The following PTPN4 variants were observed in gnomAD, a reference collection of about 807,000 sequenced individuals.
PTPN4 encodes tyrosine-protein phosphatase non-receptor type 4.
In PTPN4, 49 loss-of-function variants were observed where a neutral mutation model predicts 135.5. The ratio of observed to expected loss-of-function variants is 0.36; its 90% CI spans 0.29 to 0.46. The LOEUF is 0.46. Among genes scored for constraint, PTPN4 ranks in the 20% least tolerant of loss-of-function variants. The pLI is 1.00. For synonymous variants in PTPN4, 333 were observed against 369.9 expected, an observed-to-expected ratio of 0.90 and a Z score of 1.14; for missense variants, 860 against 1,101.0, an observed-to-expected ratio of 0.78 and a Z score of 3.10.
intron 1 of PTPN4, among the ~76,000 whole-genome samples, chr2:119,780,522 A>G (rs1233244077): frequency 6.6e-6 from 1 of 152,156 alleles, no homozygotes; most frequent in African/African-American, 2.4e-5. Flanking sequence ...ATCCTTTTAC[A>G]TCTACTCCTC....
intron 1 of PTPN4, among the ~76,000 whole-genome samples, chr2:119,808,808 T>G: frequency 6.6e-6 from 1 of 152,312 alleles, no homozygotes; most frequent in East Asian, 1.9e-4. Context: ...ATTTTTATAT[T>G]TATATAACAA....
At chr2:119,908,420 T>A (rs1678520685) in intron 10 of PTPN4, among the ~76,000 whole-genome samples, 1 of 152,202 alleles carries the variant, frequency 6.6e-6, no homozygotes, top group Non-Finnish European at 1.5e-5. Context: ...TCACAATAAT[T>A]CAAAGTTTTT....
intron 1 of PTPN4, among the ~76,000 whole-genome samples, chr2:119,801,570 A>AT (rs1008363872): frequency 5.9e-5 from 9 of 152,038 alleles, no homozygotes; most frequent in East Asian, 1.9e-4. Flanking sequence ...ATTTTCTTCA[A>AT]TTTTTTTATC....
intron 1 of PTPN4, among the ~76,000 whole-genome samples, chr2:119,772,618 A>C (rs1471998304): frequency 6.6e-6 from 1 of 152,192 alleles, no homozygotes; most frequent in Non-Finnish European, 1.5e-5. Context: ...GCTCACTGCA[A>C]CCTTTGCCTT....
chr2:119,826,592 T>C (rs1677148921), intron 2 of PTPN4, among the ~76,000 whole-genome samples: 1 of 152,196 alleles, frequency 6.6e-6, no homozygotes, highest in Admixed American at 6.5e-5. Flanking sequence ...CTGCTAAACT[T>C]CCTTACAATA....
At chr2:119,935,659 G>A (rs1292052660) in intron 15 of PTPN4, among the ~76,000 whole-genome samples, 1 of 152,198 alleles carries the variant, frequency 6.6e-6, no homozygotes, top group Non-Finnish European at 1.5e-5. Flanking sequence ...AATGATACCT[G>A]TGGGGAATTA....
chr2:119,784,501 C>G (rs1013385830), intron 1 of PTPN4, among the ~76,000 whole-genome samples: 2 of 151,278 alleles, frequency 1.3e-5, no homozygotes, highest in Admixed American at 6.6e-5. Context: ...ATTCTCCTGC[C>G]TCAGCCTCCC....
intron 2 of PTPN4, among the ~76,000 whole-genome samples, chr2:119,837,430 AC>A: frequency 6.6e-6 from 1 of 151,908 alleles, no homozygotes; most frequent in Non-Finnish European, 1.5e-5. Flanking sequence ...TGTCTGGACG[AC>A]CTGCCTGTGG....
At chr2:119,852,782 AGCTCTGCTTTG>A (rs377068945) in intron 2 of PTPN4, among the ~76,000 whole-genome samples, 53 of 150,970 alleles carry the variant, frequency 3.5e-4, no homozygotes, top group African/African-American at 1.3e-3. Flanking sequence ...TTTTCCTCTC[AGCTCTGCTTTG>A]GCCTTATTCC....
intron 2 of PTPN4, among the ~76,000 whole-genome samples, chr2:119,825,134 T>C (rs1677128398): frequency 6.6e-6 from 1 of 152,232 alleles, no homozygotes; most frequent in African/African-American, 2.4e-5. Flanking sequence ...TGTTTTTCAA[T>C]GTGTTGTCCA....
intron 15 of PTPN4, chr2:119,935,221 T>G: frequency 2.7e-6 from 1 of 366,094 alleles, no homozygotes; most frequent in Non-Finnish European, 4.9e-6. Flanking sequence ...CTGCAGATGA[T>G]GTAGCACTCT....
intron 2 of PTPN4, among the ~76,000 whole-genome samples, chr2:119,846,486 C>T (rs1677500725): frequency 6.6e-6 from 1 of 151,104 alleles, no homozygotes; most frequent in African/African-American, 2.4e-5. Flanking sequence ...AAATCCTTTA[C>T]TTATTATATA....
intron 1 of PTPN4, among the ~76,000 whole-genome samples, chr2:119,807,500 A>G (rs909749562): frequency 1.3e-5 from 2 of 152,226 alleles, no homozygotes; most frequent in Non-Finnish European, 2.9e-5. Flanking sequence ...TCCTGGGCAC[A>G]TACACCCTCC....
In PTPN4 at chr2:119,810,001, TTG is replaced by T. The variant is rs2104948395; in HGVS notation, c.138+14_138+15del. The T allele has an allele frequency of 1.3e-6, 2 of 1,598,014 alleles. No individual in the cohort carries two copies. Among genetic ancestry groups the T allele is most frequent in the East Asian group, 4.5e-5 (2 of 44,768 alleles). ...AGCTTTCAAAGTCAATGTAAGTATT[TTG>T]TGTCTTTTAAAAAATAATCTCTGGC... On this transcript the variant is annotated intron_variant, in intron 2 of 26. Transcript: ENST00000263708.
chr2:119,868,608 C>G (rs1475784483), intron 3 of PTPN4, among the ~76,000 whole-genome samples: 1 of 152,174 alleles, frequency 6.6e-6, no homozygotes, highest in Non-Finnish European at 1.5e-5. Flanking sequence ...ACACCTGGCC[C>G]ACCCAGGGCG....
intron 2 of PTPN4, among the ~76,000 whole-genome samples, chr2:119,857,158 A>G (rs553041117): frequency 9.3e-5 from 14 of 151,258 alleles, no homozygotes; most frequent in Admixed American, 8.6e-4. Flanking sequence ...ATCTTGGCTC[A>G]CTGCAACCTC....
At position 119,984,172 on chromosome 2, in the gene PTPN4, C is replaced by T. The variant is rs1222717444; in HGVS notation, c.*7102C>T. Among the ~76,000 whole-genome samples the T allele has an allele frequency of 6.6e-6, 1 of 152,192 alleles. No homozygotes were observed. The highest frequency in any genetic ancestry group is 2.4e-5 in the African/African-American group (1 of 41,446). ...TCTTTTCAAATAAGAAAAGCTACTC[C>T]TTATTCTCTACAGTGTAGGCTTAAT... On this transcript the variant is annotated 3_prime_UTR_variant, in exon 27 of 27. Transcript: ENST00000263708.
intron 11 of PTPN4, among the ~76,000 whole-genome samples, chr2:119,918,819 C>T (rs765367442): frequency 3.3e-5 from 5 of 152,132 alleles, no homozygotes; most frequent in Non-Finnish European, 1.5e-5. Context: ...TATCCCCAAA[C>T]TAGAAATATA....
At chr2:119,957,201 T>A in intron 22 of PTPN4, 124 bp downstream of exon 22, 1 of 884,590 alleles carries the variant, frequency 1.1e-6, no homozygotes, top group Non-Finnish European at 1.7e-6. Flanking sequence ...TGAAAAATAT[T>A]ATTGAAGTAA....
Sources: gnomAD v4.1 joint callset for allele counts (sites outside exome capture counted in the v4.1 genomes callset) on GRCh38, gnomAD v4.1.1 for gene constraint, MANE v1.5 for transcripts, NCBI Gene and HGNC (gene_info 2026-07-23, HGNC 2026-07-21) for gene names.